Variants in TENM3 observed in about 807,000 individuals in gnomAD.
TENM3 encodes teneurin transmembrane protein 3, also known as teneurin-3.
A neutral mutation model predicts 255.1 loss-of-function variants in TENM3; 63 were observed. The observed-to-expected ratio is 0.25, with a 90% confidence interval of 0.20 to 0.30. The LOEUF is 0.30. Ranked by LOEUF, TENM3 falls within the 10% of genes least tolerant of loss-of-function variation. The pLI, the probability that TENM3 is intolerant of heterozygous loss-of-function variation, is 1.00. For missense variants in TENM3, 2,929 were observed against 3,461.1 expected, an observed-to-expected ratio of 0.85 and a Z score of 3.86; for synonymous variants, 1,306 against 1,322.3, an observed-to-expected ratio of 0.99 and a Z score of 0.27.
chr4:182,298,346 G>T (rs913872933), intron 1 of TENM3, among the ~76,000 whole-genome samples: 1 of 152,114 alleles, frequency 6.6e-6, no homozygotes, highest in African/African-American at 2.4e-5. Context: ...CCTCAGAAGG[G>T]CCTGTGATGC....
intron 24 of TENM3, among the ~76,000 whole-genome samples, chr4:182,786,225 C>T (rs561208358): frequency 3.3e-5 from 5 of 152,144 alleles, no homozygotes; most frequent in South Asian, 2.1e-4. Flanking sequence ...CTGGGTGTTT[C>T]GGTGTCGCCT....
At chr4:182,519,935 G>A (rs1012462793) in intron 3 of TENM3, among the ~76,000 whole-genome samples, 5 of 152,026 alleles carry the variant, frequency 3.3e-5, no homozygotes, top group African/African-American at 9.7e-5. Flanking sequence ...CTAAACATTG[G>A]TGACTACCAA....
At chr4:181,996,235 T>C in the TENM3 span, among the ~76,000 whole-genome samples, 1 of 150,250 alleles carries the variant, frequency 6.7e-6, no homozygotes, top group African/African-American at 2.5e-5. Context: ...AACACAAAAG[T>C]GGACAGCCGT....
At chr4:181,916,334 C>T in the TENM3 span, among the ~76,000 whole-genome samples, 1 of 152,140 alleles carries the variant, frequency 6.6e-6, no homozygotes, top group Admixed American at 6.5e-5. Context: ...GTTTAATGCC[C>T]ATCTGCAAAA....
At chr4:182,573,953 G>A (rs12647791) in intron 3 of TENM3, among the ~76,000 whole-genome samples, 81,536 of 151,822 alleles carry the variant, frequency 0.54, 23,556 homozygotes, top group Non-Finnish European at 0.64. Flanking sequence ...ATAAAAATAG[G>A]TTACAATAAA....
the TENM3 span, among the ~76,000 whole-genome samples, chr4:181,842,845 T>C: frequency 6.6e-6 from 1 of 152,228 alleles, no homozygotes; most frequent in African/African-American, 2.4e-5. Flanking sequence ...GCATCTTTCC[T>C]AATTCTTCAG....
At chr4:182,027,773 A>T in the TENM3 span, among the ~76,000 whole-genome samples, 13 of 151,844 alleles carry the variant, frequency 8.6e-5, no homozygotes, top group Non-Finnish European at 1.8e-4. Flanking sequence ...ACAATGATTG[A>T]TGTGCATATG....
chr4:181,992,051 C>T, the TENM3 span, among the ~76,000 whole-genome samples: 7 of 152,100 alleles, frequency 4.6e-5, no homozygotes, highest in South Asian at 2.1e-4. Context: ...ATTACCAAAC[C>T]GTGTGTGTTC....
chr4:181,691,481 T>C, the TENM3 span, among the ~76,000 whole-genome samples: 2 of 152,076 alleles, frequency 1.3e-5, no homozygotes, highest in East Asian at 3.9e-4. Flanking sequence ...TAAAAGTAAG[T>C]GTAAAATGCA....
At chr4:181,999,852 T>G in the TENM3 span, among the ~76,000 whole-genome samples, 1 of 152,170 alleles carries the variant, frequency 6.6e-6, no homozygotes, top group Non-Finnish European at 1.5e-5. Flanking sequence ...TCCTCCAATT[T>G]TGATATAAGT....
chr4:182,499,387 G>C (rs911491825), intron 3 of TENM3, among the ~76,000 whole-genome samples: 8 of 152,200 alleles, frequency 5.3e-5, no homozygotes, highest in Non-Finnish European at 1.0e-4. Flanking sequence ...AGTTCTAGCA[G>C]AGGCCTTCCC....
the TENM3 span, among the ~76,000 whole-genome samples, chr4:181,503,875 A>C: frequency 6.6e-6 from 1 of 152,178 alleles, no homozygotes; most frequent in East Asian, 1.9e-4. Context: ...TCCGCTCGGA[A>C]GGAGGCTGTC....
At chr4:181,660,428 C>T in the TENM3 span, among the ~76,000 whole-genome samples, 10 of 152,188 alleles carry the variant, frequency 6.6e-5, 1 homozygote, top group African/African-American at 2.4e-4. Context: ...AATGTTAAAG[C>T]AATTACCACT....
intron 3 of TENM3, among the ~76,000 whole-genome samples, chr4:182,420,430 C>T (rs72995467): frequency 7.3e-4 from 111 of 152,318 alleles, no homozygotes; most frequent in African/African-American, 2.5e-3. Context: ...ACACGAACTA[C>T]ACTGGTGAAG....
the TENM3 span, among the ~76,000 whole-genome samples, chr4:181,710,850 A>C: frequency 4.5e-3 from 684 of 151,104 alleles, 7 homozygotes; most frequent in African/African-American, 0.014. Context: ...CGCCCGGCCG[A>C]GACTCCATCT....
At chr4:182,445,991 G>T (rs567448707) in intron 3 of TENM3, among the ~76,000 whole-genome samples, 2 of 152,286 alleles carry the variant, frequency 1.3e-5, no homozygotes, top group South Asian at 2.1e-4. Flanking sequence ...GGAACTCTTT[G>T]GTGGACTCCT....
chr4:181,523,732 T>C, the TENM3 span, among the ~76,000 whole-genome samples: 3 of 152,198 alleles, frequency 2.0e-5, no homozygotes, highest in Non-Finnish European at 2.9e-5. Context: ...GAGGAGAGTA[T>C]GATGTTCTTC....
the TENM3 span, among the ~76,000 whole-genome samples, chr4:181,643,603 T>C: frequency 6.6e-6 from 1 of 151,602 alleles, no homozygotes; most frequent in Non-Finnish European, 1.5e-5. Context: ...TGCATCAAAA[T>C]GGAGCAGAGC....
Position 182,538,246 on chromosome 4 carries a change from G to C in TENM3, c.512-62678G>C, listed in dbSNP as rs577707928. 2.0e-4 allele frequency among the ~76,000 whole-genome samples: 31 copies of C among 152,246 alleles called. No homozygotes were observed. In the South Asian group the frequency reaches 6.4e-3, roughly 32 times the overall value. ...TTTATGGAGTTCCCAGAGGCACAAG[G>C]CATTTGGCTAAATGCTTAGAATACA... On this transcript the variant is annotated intron_variant, in intron 3 of 27. Transcript: ENST00000511685.
Sources: allele counts gnomAD v4.1 joint callset (sites outside exome capture counted in the v4.1 genomes callset), GRCh38; gene constraint gnomAD v4.1.1; transcripts MANE v1.5; gene names NCBI Gene and HGNC (gene_info 2026-07-23, HGNC 2026-07-21).